Variants in BNC2 observed in about 807,000 individuals in gnomAD.
BNC2 encodes the protein basonuclin zinc finger protein 2.
Under a neutral mutation model 76.3 loss-of-function variants are expected in BNC2, and 20 were observed. The observed-to-expected ratio is 0.26, with a 90% CI of 0.18 to 0.38. BNC2 has a LOEUF of 0.38. Among genes scored for constraint, BNC2 ranks in the 10% least tolerant of loss-of-function variants. The pLI is 1.00. For synonymous variants in BNC2, 582 were observed against 514.8 expected (o/e 1.13, Z -1.77); for missense variants, 1,382 against 1,399.8 (o/e 0.99, Z 0.20).
chr9:16,790,007 G>T (rs1055722088), intron 1 of BNC2, among the ~76,000 whole-genome samples: 2 of 152,108 alleles, frequency 1.3e-5, no homozygotes, highest in African/African-American at 4.8e-5. Flanking sequence ...CATGTGAAAT[G>T]ATTTTTTTTT....
chr9:16,600,022 T>C (rs1313868287), intron 3 of BNC2, among the ~76,000 whole-genome samples: 1 of 152,180 alleles, frequency 6.6e-6, no homozygotes, highest in Non-Finnish European at 1.5e-5. Context: ...CACTCACTCA[T>C]ATTTAAAACC....
At chr9:16,741,764 C>A (rs1044155507) in intron 1 of BNC2, among the ~76,000 whole-genome samples, 1 of 151,990 alleles carries the variant, frequency 6.6e-6, no homozygotes, top group Admixed American at 6.6e-5. Flanking sequence ...TCAAGACCAG[C>A]CTGGCCAACG....
chr9:16,418,179 C>T lies in BNC2; in HGVS notation c.*810G>A, dbSNP rs746144036. The T allele has an allele frequency of 1.4e-4, 22 of 152,562 alleles. No individual in the cohort carries two copies. Among genetic ancestry groups the T allele is most frequent in the Non-Finnish European group, 2.5e-4 (17 of 68,030 alleles). 9.5% of individuals were successfully genotyped at this position (152,562 alleles called of 1,614,324 possible). A position where few individuals can be genotyped will look rare whatever the true frequency, so the allele number is the denominator to read the frequency against. ...GTAGTGTATGAAAAAAAGTGCATGA[C>T]GGGATTTATGTACTAGTACAGGACA... On this transcript the variant is annotated 3_prime_UTR_variant, in exon 7 of 7. Coordinates refer to ENST00000380672, the MANE Select transcript of BNC2 (RefSeq NM_017637.6).
intron 5 of BNC2, among the ~76,000 whole-genome samples, chr9:16,480,198 G>C (rs1822016691): frequency 6.6e-6 from 1 of 152,158 alleles, no homozygotes; most frequent in Admixed American, 6.5e-5. Context: ...GGCAGAAATG[G>C]GATTCAAACT....
intron 1 of BNC2, among the ~76,000 whole-genome samples, chr9:16,815,472 A>T (rs1321500525): frequency 1.3e-5 from 2 of 152,262 alleles, no homozygotes; most frequent in African/African-American, 4.8e-5. Context: ...CAATGGTCAC[A>T]GTCAACTTTA....
At chr9:16,496,598 T>C (rs1380097827) in intron 5 of BNC2, among the ~76,000 whole-genome samples, 2 of 152,252 alleles carry the variant, frequency 1.3e-5, no homozygotes, top group Non-Finnish European at 2.9e-5. Flanking sequence ...AAATCTAGGA[T>C]TCTTAATAAG....
intron 1 of BNC2, among the ~76,000 whole-genome samples, chr9:16,843,186 T>G (rs1032774722): frequency 6.6e-6 from 1 of 152,210 alleles, no homozygotes; most frequent in Admixed American, 6.5e-5. Flanking sequence ...TTCTACCATA[T>G]TCAGTAGCAG....
intron 3 of BNC2, among the ~76,000 whole-genome samples, chr9:16,682,422 G>T (rs1284328450): frequency 6.6e-6 from 1 of 151,846 alleles, no homozygotes; most frequent in Non-Finnish European, 1.5e-5. Flanking sequence ...GATTCCAGAA[G>T]TGAATGCTGC....
intron 1 of BNC2, among the ~76,000 whole-genome samples, chr9:16,739,470 A>C (rs1008712031): frequency 6.6e-6 from 1 of 152,222 alleles, no homozygotes; most frequent in Admixed American, 6.5e-5. Flanking sequence ...GGAGTTCGAG[A>C]CCATCCTGGC....
At chr9:16,755,473 G>A (rs190690899) in intron 1 of BNC2, among the ~76,000 whole-genome samples, 3 of 152,220 alleles carry the variant, frequency 2.0e-5, no homozygotes, top group South Asian at 4.1e-4. Flanking sequence ...CCACTGCTGC[G>A]CTTAACCATT....
At chr9:16,844,792 G>C in intron 1 of BNC2, among the ~76,000 whole-genome samples, 1 of 152,130 alleles carries the variant, frequency 6.6e-6, no homozygotes, top group African/African-American at 2.4e-5. Flanking sequence ...ACCGCACCCA[G>C]CCATTTTTCA....
intron 3 of BNC2, among the ~76,000 whole-genome samples, chr9:16,658,050 G>A (rs1304630104): frequency 6.6e-6 from 1 of 152,156 alleles, no homozygotes; most frequent in Non-Finnish European, 1.5e-5. Context: ...GACAAGAGAA[G>A]GGATGGCATC....
intron 1 of BNC2, among the ~76,000 whole-genome samples, chr9:16,807,865 C>T (rs959454922): frequency 1.3e-5 from 2 of 152,038 alleles, no homozygotes; most frequent in Non-Finnish European, 2.9e-5. Flanking sequence ...AATTTCCTAA[C>T]AGATAAACTC....
At chr9:16,488,089 A>C (rs1375994997) in intron 5 of BNC2, among the ~76,000 whole-genome samples, 1 of 152,190 alleles carries the variant, frequency 6.6e-6, no homozygotes, top group African/African-American at 2.4e-5. Context: ...TCCCCATAGC[A>C]TGCAAAAAGG....
chr9:16,644,399 C>T (rs945964147), intron 3 of BNC2, among the ~76,000 whole-genome samples: 4 of 152,004 alleles, frequency 2.6e-5, no homozygotes, highest in Non-Finnish European at 5.9e-5. Flanking sequence ...TGGTATTGAG[C>T]ATTGAAAATA....
At chr9:16,450,484 A>G (rs1036726101) in intron 5 of BNC2, among the ~76,000 whole-genome samples, 5 of 152,218 alleles carry the variant, frequency 3.3e-5, no homozygotes, top group African/African-American at 1.2e-4. Context: ...AAATGCTTCC[A>G]CTATATGACA....
rs927058870 is a variant in BNC2 at position 16,686,048 on chromosome 9, T to TA, written c.330+41748dup. Among the ~76,000 whole-genome samples, 150 of 151,452 alleles carry TA rather than the reference T, an allele frequency of 9.9e-4. 1 individual carries two copies. The highest frequency in any genetic ancestry group is 2.9e-3 in the African/African-American group (120 of 41,370). On this transcript the variant is annotated intron_variant, in intron 3 of 6. Transcript: ENST00000380672. ...CCTTTAATTTTCTTATGTAGGAATT[T>TA]AAAAAAAAATACATTCAACAATGCC...
chr9:16,480,812 C>T (rs1822035927), intron 5 of BNC2, among the ~76,000 whole-genome samples: 4 of 152,150 alleles, frequency 2.6e-5, no homozygotes, highest in Admixed American at 6.5e-5. Flanking sequence ...GGCTCCTGTG[C>T]GGCCTGAGCC....
At position 16,414,050 on chromosome 9, in the gene BNC2, C is replaced by T. The variant is rs1820532670; in HGVS notation, c.*4939G>A. On this transcript the variant is annotated 3_prime_UTR_variant, in exon 7 of 7. Transcript: ENST00000380672. ...TTCTCAGGGGATTCCAGCAACACTT[C>T]CCACTCAAAAACAAAGCAAAAGCAA... 1 of 152,190 alleles carries T rather than the reference C, an allele frequency of 6.6e-6. No homozygotes were observed. Among genetic ancestry groups the T allele is most frequent in the Non-Finnish European group, 1.5e-5 (1 of 68,070 alleles). 9.4% of individuals were successfully genotyped at this position (152,190 alleles called of 1,614,324 possible). A position where few individuals can be genotyped will look rare whatever the true frequency, so the allele number is the denominator to read the frequency against.
Sources: allele counts gnomAD v4.1 joint callset (sites outside exome capture counted in the v4.1 genomes callset), GRCh38; gene constraint gnomAD v4.1.1; transcripts MANE v1.5; gene names NCBI Gene and HGNC (gene_info 2026-07-23, HGNC 2026-07-21).